SPATS1: variants seen among roughly 807,000 people sequenced by gnomAD.
SPATS1 encodes the protein spermatogenesis-associated serine-rich protein 1.
In SPATS1, 23 loss-of-function variants were observed where a neutral mutation model predicts 33.6. That is an observed-to-expected ratio of 0.68 (90% CI 0.49 to 0.97). The LOEUF (loss-of-function observed/expected upper bound fraction) is 0.97. Among genes scored for constraint, SPATS1 ranks in the 50% least tolerant of loss-of-function variants. SPATS1 has a pLI of 0.00. For missense variants in SPATS1, 327 were observed against 361.0 expected (o/e 0.91, Z 0.76); for synonymous variants, 131 against 125.6 (o/e 1.04, Z -0.29).
chr6:44,372,268 A>AT (rs1789673213), intron 7 of SPATS1, among the ~76,000 whole-genome samples: 1 of 149,578 alleles, frequency 6.7e-6, no homozygotes, highest in Non-Finnish European at 1.5e-5. Flanking sequence ...AAAAAAAAAA[A>AT]GATTTTTGTT....
chr6:44,367,453 G>A lies in SPATS1; in HGVS notation c.575-926G>A, dbSNP rs572288608. On this transcript the variant is annotated intron_variant, in intron 5 of 8. Coordinates refer to ENST00000674044, the MANE Select transcript of SPATS1 (RefSeq NM_001372081.1). ...CCACACAGAAGAGCTAATCAAAAGT[G>A]TAATACAGTCAGTTATTGAAAAGGT... Among the ~76,000 whole-genome samples, 59 of 152,330 alleles carry A rather than the reference G, an allele frequency of 3.9e-4. 1 individual carries two copies. Among genetic ancestry groups the A allele is most frequent in the African/African-American group, 1.4e-3 (58 of 41,562 alleles).
At chr6:44,369,479 G>A (rs1467025695) in intron 6 of SPATS1, among the ~76,000 whole-genome samples, 1 of 152,098 alleles carries the variant, frequency 6.6e-6, no homozygotes, top group East Asian at 1.9e-4. Context: ...GAACCTGGGT[G>A]ATGGAGGTTG....
intron 2 of SPATS1, among the ~76,000 whole-genome samples, chr6:44,349,301 A>AG (rs1228116521): frequency 3.5e-5 from 5 of 143,656 alleles, no homozygotes; most frequent in Non-Finnish European, 6.0e-5. Flanking sequence ...AAAAAAAAAA[A>AG]AAAAAAAAAA....
At position 44,379,348 on chromosome 6, in the gene SPATS1, T is replaced by C. The variant is rs930513953; in HGVS notation, c.*2285T>C. On this transcript the variant is annotated 3_prime_UTR_variant, in exon 9 of 9. Transcript: ENST00000674044. ...GCTCACGCCTGTAATCCCAGCACTT[T>C]GGGAGGCCGAGGCAGGCGGATCACG... 1.8e-4 allele frequency among the ~76,000 whole-genome samples: 27 copies of C among 151,918 alleles called. No homozygotes were observed. Among genetic ancestry groups the C allele is most frequent in the African/African-American group, 6.3e-4 (26 of 41,374 alleles).
At chr6:44,362,049 A>G in intron 5 of SPATS1, 57 bp downstream of exon 5, 6 of 1,605,722 alleles carry the variant, frequency 3.7e-6, no homozygotes, top group Non-Finnish European at 5.1e-6. Flanking sequence ...TCGAGTCGTG[A>G]TTCTATAGGC....
intron 7 of SPATS1, among the ~76,000 whole-genome samples, chr6:44,375,830 G>A (rs1415355739): frequency 6.6e-6 from 1 of 151,896 alleles, no homozygotes; most frequent in African/African-American, 2.4e-5. Flanking sequence ...TATGGGCTGG[G>A]TATAGTGGCT....
chr6:44,351,122 C>CAAAAAAAAAAAA (rs34139961), intron 2 of SPATS1, among the ~76,000 whole-genome samples: 87 of 75,226 alleles, frequency 1.2e-3, no homozygotes, highest in Non-Finnish European at 1.4e-3. Flanking sequence ...GACTCTGTGT[C>CAAAAAAAAAAAA]AAAAAAAAAA....
intron 5 of SPATS1, among the ~76,000 whole-genome samples, chr6:44,364,810 T>C (rs899923021): frequency 7.1e-6 from 1 of 140,716 alleles, no homozygotes; most frequent in Non-Finnish European, 1.5e-5. Flanking sequence ...TTCTTTCTTT[T>C]TTTTTTAGAC....
chr6:44,362,926 C>A (rs1344035209), intron 5 of SPATS1, among the ~76,000 whole-genome samples: 1 of 151,442 alleles, frequency 6.6e-6, no homozygotes, highest in Admixed American at 6.6e-5. Context: ...GCAACCTCCG[C>A]CTCCCGGGTT....
intron 1 of SPATS1, 89 bp from the exon 2 acceptor site, chr6:44,343,007 A>G (rs1292889347): frequency 1.3e-6 from 2 of 1,533,974 alleles, no homozygotes; most frequent in African/African-American, 1.4e-5. Flanking sequence ...TGGCTTGTGG[A>G]ATTTGTTTGT....
rs565060740 is a variant in SPATS1, at chr6:44,372,191, T to C, written c.758+2078T>C. 5.3e-5 allele frequency among the ~76,000 whole-genome samples: 8 copies of C among 150,590 alleles called. No individual in the cohort carries two copies. In the South Asian group the frequency reaches 1.7e-3, roughly 32 times the overall value. On this transcript the variant is annotated intron_variant, in intron 7 of 8. Coordinates refer to ENST00000674044, the MANE Select transcript of SPATS1 (RefSeq NM_001372081.1). ...ATCACTTGAACCCGGGAGGCAAAGG[T>C]TGAAGTGAGCCAAGATCACGCCACT... is the stretch of plus-strand genomic sequence containing the variant.
intron 5 of SPATS1, among the ~76,000 whole-genome samples, chr6:44,367,050 T>C: frequency 6.6e-6 from 1 of 152,180 alleles, no homozygotes; most frequent in Non-Finnish European, 1.5e-5. Context: ...GTGCCCTGGT[T>C]TGGTATGCAA....
At chr6:44,359,561 C>T (rs1345543258) in intron 3 of SPATS1, among the ~76,000 whole-genome samples, 1 of 151,988 alleles carries the variant, frequency 6.6e-6, no homozygotes, top group East Asian at 1.9e-4. Flanking sequence ...GCATGCATCA[C>T]TACATCATTC....
chr6:44,346,766 T>A (rs529138536), intron 2 of SPATS1, among the ~76,000 whole-genome samples: 1 of 152,228 alleles, frequency 6.6e-6, no homozygotes, highest in Admixed American at 6.5e-5. Flanking sequence ...TATAAATTTA[T>A]AAAAGCTCAA....
At position 44,343,125 on chromosome 6, in the gene SPATS1, T is replaced by C; in HGVS notation, c.30T>C (p.Ser10=). The C allele has an allele frequency of 6.2e-7, 1 of 1,614,080 alleles. No homozygotes were observed. The highest frequency in any genetic ancestry group is 1.3e-5 in the African/African-American group (1 of 75,008). Residue 10 remains serine, a synonymous_variant, in exon 2 of 9, where the codon AGT becomes AGC. Transcript: ENST00000674044. MSPSMLTGN[S]PRGCRLPSIS... is the part of the protein sequence containing the mutation. ...GTCCATCCATGCTCACTGGAAACAG[T>C]CCACGGGGCTGCCGTCTCCCCTCCA...
intron 5 of SPATS1, among the ~76,000 whole-genome samples, chr6:44,364,731 CTTTCTTTT>C (rs1435700086): frequency 1.3e-5 from 2 of 151,806 alleles, no homozygotes; most frequent in African/African-American, 4.8e-5. Flanking sequence ...TCTTTTCTTT[CTTTCTTTT>C]TTTCTTTCTG....
rs1790023150 is a variant in SPATS1 at position 44,377,378 on chromosome 6, C to T, written c.*315C>T. The T allele has an allele frequency of 2.3e-6, 1 of 431,278 alleles. No homozygotes were observed. Among genetic ancestry groups the T allele is most frequent in the Non-Finnish European group, 4.3e-6 (1 of 235,150 alleles). 26.7% of individuals were successfully genotyped at this position (431,278 alleles called of 1,614,324 possible). ...GAGAGTGAGTGGCAGATATTGTAAC[C>T]CTTTACACCTGTATACCTACATACC... On this transcript the variant is annotated 3_prime_UTR_variant, in exon 9 of 9. Coordinates refer to ENST00000674044, the MANE Select transcript of SPATS1 (RefSeq NM_001372081.1).
intron 2 of SPATS1, among the ~76,000 whole-genome samples, chr6:44,350,918 G>T (rs1442696012): frequency 6.6e-6 from 1 of 151,990 alleles, no homozygotes; most frequent in African/African-American, 2.4e-5. Flanking sequence ...GAGGCCAGGA[G>T]TTTGAGACCA....
chr6:44,353,579 G>A (rs1224221980), intron 3 of SPATS1, among the ~76,000 whole-genome samples: 3 of 152,036 alleles, frequency 2.0e-5, no homozygotes, highest in Non-Finnish European at 4.4e-5. Flanking sequence ...CAGGATGTTG[G>A]CTTTGTAATT....
Sources: allele counts gnomAD v4.1 joint callset (sites outside exome capture counted in the v4.1 genomes callset), GRCh38; gene constraint gnomAD v4.1.1; transcripts MANE v1.5; gene names NCBI Gene and HGNC (gene_info 2026-07-23, HGNC 2026-07-21).